GPD2: variants seen among roughly 807,000 people sequenced by gnomAD.
The protein encoded by GPD2 is glycerol-3-phosphate dehydrogenase, mitochondrial.
Under a neutral mutation model 82.4 loss-of-function variants are expected in GPD2, and 54 were observed. That is an observed-to-expected ratio of 0.66 (90% confidence interval 0.53 to 0.82). GPD2 has a LOEUF of 0.82. Ranked by LOEUF, GPD2 falls within the 40% of genes least tolerant of loss-of-function variation. GPD2 has a pLI of 0.00. For missense variants in GPD2, 748 were observed against 896.2 expected, an observed-to-expected ratio of 0.83 and a Z score of 2.11; for synonymous variants, 288 against 306.1, an observed-to-expected ratio of 0.94 and a Z score of 0.62.
chr2:156,498,145 A>G (rs1684451830), intron 3 of GPD2, among the ~76,000 whole-genome samples: 1 of 152,170 alleles, frequency 6.6e-6, no homozygotes, highest in Non-Finnish European at 1.5e-5. Context: ...ATGCACTAAA[A>G]TATGTAGCCA....
Position 156,571,195 on chromosome 2 carries a change from G to T in GPD2, c.1670G>T (p.Arg557Leu), listed in dbSNP as rs201219979. 8.1e-6 allele frequency: 13 copies of T among 1,610,330 alleles called. No individual in the cohort carries two copies. The highest frequency in any genetic ancestry group is 1.1e-5 in the South Asian group (1 of 91,004). Reference sequence around the variant, plus strand: ...GTGGATATGATTTCACGTCGTACTCGCCTGGCCTTTCTAAATGTCCAGGCA... The same window carrying T: ...GTGGATATGATTTCACGTCGTACTCTCCTGGCCTTTCTAAATGTCCAGGCA... ...TAVDMISRRT[R>L]LAFLNVQAAE... The change falls in exon 13 of 17, where the codon CGC (arginine) becomes CTC (leucine). Residue 557 changes from arginine (R) to leucine (L), a missense_variant. This residue lies in a region of GPD2 where 692 missense variants were observed against 809.7 expected (regional missense o/e 0.85). Coordinates refer to ENST00000438166, the MANE Select transcript of GPD2 (RefSeq NM_000408.5).
At chr2:156,436,573 C>T in intron 1 of GPD2, 60 bp downstream of exon 1, 1 of 152,188 alleles carries the variant, frequency 6.6e-6, no homozygotes, top group East Asian at 1.9e-4. Flanking sequence ...GGGAGTGGTC[C>T]CTTTCTGACC....
chr2:156,458,306 A>T (rs1682857061), intron 1 of GPD2, among the ~76,000 whole-genome samples: 1 of 152,198 alleles, frequency 6.6e-6, no homozygotes, highest in South Asian at 2.1e-4. Context: ...GTAGTTATGG[A>T]GTTGAAATTT....
At chr2:156,515,522 A>G (rs1044187931) in intron 6 of GPD2, among the ~76,000 whole-genome samples, 1 of 152,206 alleles carries the variant, frequency 6.6e-6, no homozygotes, top group Non-Finnish European at 1.5e-5. Flanking sequence ...TTGATTCTAC[A>G]TGGAGAAGCC....
At chr2:156,518,512 C>T (rs1009349906) in intron 6 of GPD2, among the ~76,000 whole-genome samples, 1 of 152,148 alleles carries the variant, frequency 6.6e-6, no homozygotes, top group Non-Finnish European at 1.5e-5. Flanking sequence ...AATCCAGGCT[C>T]TTTTGTTAGG....
At chr2:156,576,266 G>C (rs1280281290) in intron 13 of GPD2, among the ~76,000 whole-genome samples, 1 of 152,074 alleles carries the variant, frequency 6.6e-6, no homozygotes, top group African/African-American at 2.4e-5. Context: ...CTCCCTTCTA[G>C]GTACTTGCCA....
At chr2:156,571,321 AT>A in intron 13 of GPD2, 29 bp downstream of exon 13, 3 of 1,451,142 alleles carry the variant, frequency 2.1e-6, no homozygotes, top group Non-Finnish European at 2.8e-6. Flanking sequence ...TAAAACCACA[AT>A]TCCTATTGTA....
upstream of GPD2, among the ~76,000 whole-genome samples, chr2:156,436,235 A>T (rs1336892554): frequency 1.3e-5 from 2 of 152,184 alleles, no homozygotes; most frequent in African/African-American, 4.8e-5. Flanking sequence ...GGCCCGAGGT[A>T]TCCGGGCAGG....
intron 3 of GPD2, among the ~76,000 whole-genome samples, chr2:156,502,824 A>G (rs1399658909): frequency 1.3e-5 from 2 of 151,866 alleles, no homozygotes; most frequent in Non-Finnish European, 2.9e-5. Flanking sequence ...TACACTTAAT[A>G]GACTATGTCT....
At chr2:156,408,798 G>T in the GPD2 span, among the ~76,000 whole-genome samples, 1 of 151,998 alleles carries the variant, frequency 6.6e-6, no homozygotes, top group African/African-American at 2.4e-5. Context: ...TTTGGGTGAG[G>T]CCAGGTAGGC....
chr2:156,510,030 G>A (rs1227573467), intron 3 of GPD2, among the ~76,000 whole-genome samples: 4 of 152,014 alleles, frequency 2.6e-5, no homozygotes, highest in East Asian at 1.9e-4. Flanking sequence ...TGATCCACCC[G>A]CCTCCGCCTC....
At chr2:156,436,218 G>A (rs908977383), upstream of GPD2, among the ~76,000 whole-genome samples, 1 of 152,368 alleles carries the variant, frequency 6.6e-6, no homozygotes, top group Admixed American at 6.5e-5. Context: ...TGGGCCGGAG[G>A]AGCCTGGGCC....
At chr2:156,461,350 C>T (rs1362013498) in intron 1 of GPD2, among the ~76,000 whole-genome samples, 1 of 152,018 alleles carries the variant, frequency 6.6e-6, no homozygotes, top group Non-Finnish European at 1.5e-5. Flanking sequence ...ATATAAGTTT[C>T]ATCGTATCAT....
At chr2:156,556,144 A>G (rs1478111696) in intron 8 of GPD2, among the ~76,000 whole-genome samples, 1 of 152,174 alleles carries the variant, frequency 6.6e-6, no homozygotes, top group African/African-American at 2.4e-5. Flanking sequence ...TTTTTAAAAC[A>G]TGTTAAGGGA....
chr2:156,572,552 A>C (rs1687679240), intron 13 of GPD2, among the ~76,000 whole-genome samples: 1 of 152,138 alleles, frequency 6.6e-6, no homozygotes, highest in Non-Finnish European at 1.5e-5. Context: ...GTCTGTGTGA[A>C]ATTCAAAGGG....
the GPD2 span, among the ~76,000 whole-genome samples, chr2:156,402,056 G>A: frequency 6.6e-6 from 1 of 152,206 alleles, no homozygotes; most frequent in African/African-American, 2.4e-5. Flanking sequence ...TGTGTACCAG[G>A]CTATGTTAAG....
At chr2:156,433,674 G>A (rs530195562), upstream of GPD2, among the ~76,000 whole-genome samples, 6 of 152,302 alleles carry the variant, frequency 3.9e-5, no homozygotes, top group African/African-American at 1.4e-4. Context: ...TCTAGGCAGC[G>A]GGCAAGGTGA....
At chr2:156,451,930 C>T (rs1682615387) in intron 1 of GPD2, among the ~76,000 whole-genome samples, 2 of 151,270 alleles carry the variant, frequency 1.3e-5, no homozygotes, top group South Asian at 2.1e-4. Flanking sequence ...CGCGGCCGGG[C>T]AGAGGCGCTC....
chr2:156,476,134 C>A lies in GPD2; in HGVS notation c.29C>A (p.Thr10Lys). 1 of 1,608,844 alleles carries A rather than the reference C, an allele frequency of 6.2e-7. No individual in the cohort carries two copies. The highest frequency in any genetic ancestry group is 8.5e-7 in the Non-Finnish European group (1 of 1,175,348). ...GCATTTCAAAAGGCAGTGAAAGGGACGATTCTTGTTGGAGGAGGTGCTCTT... is the reference window on the plus strand; with the variant it reads ...GCATTTCAAAAGGCAGTGAAAGGGAAGATTCTTGTTGGAGGAGGTGCTCTT... Reference protein sequence around the residue: MAFQKAVKGTILVGGGALAT... With the variant: MAFQKAVKGKILVGGGALAT... Residue 10 changes from threonine (T) to lysine (K), a missense_variant, in exon 2 of 17, where the codon ACG becomes AAG. Thr to Lys is a moderately conservative substitution (Grantham distance 78). Coordinates refer to ENST00000438166, the MANE Select transcript of GPD2 (RefSeq NM_000408.5).
Sources: gnomAD v4.1 joint callset for allele counts (sites outside exome capture counted in the v4.1 genomes callset) on GRCh38, gnomAD v4.1.1 for gene constraint, gnomAD v4.1.1 regional missense constraint, MANE v1.5 for transcripts, NCBI Gene and HGNC (gene_info 2026-07-23, HGNC 2026-07-21) for gene names.